The following ZNF609 variants were observed in gnomAD, a reference collection of about 807,000 sequenced individuals.
ZNF609 encodes the protein zinc finger protein 609.
ZNF609 carries 11 observed loss-of-function variants against 109.5 expected under a neutral mutation model. The observed-to-expected ratio is 0.10, with a 90% CI of 0.06 to 0.17. The LOEUF is 0.17. Among genes scored for constraint, ZNF609 ranks in the 10% least tolerant of loss-of-function variants. The pLI is 1.00. For missense variants in ZNF609, 1,559 were observed against 1,772.4 expected (o/e 0.88, Z 2.16); for synonymous variants, 646 against 662.0 (o/e 0.98, Z 0.37).
Position 64,678,474 on chromosome 15 carries a change from A to T in ZNF609, c.3761A>T (p.Asn1254Ile). 1 of 1,582,446 alleles carries T rather than the reference A, an allele frequency of 6.3e-7. No homozygotes were observed. The highest frequency in any genetic ancestry group is 8.6e-7 in the Non-Finnish European group (1 of 1,163,372). ...AGCATGCCTGCTGTGATGATGCAGA[A>T]CTACCCAGGTACAGCACCAAGTGCC... ...YRSMPAVMMQ[N>I]YPGSYLPSSY... Residue 1254 changes from asparagine (N) to isoleucine (I), a missense_variant, in exon 6 of 10, where the codon AAC becomes ATC. Around this residue, in one of 4 missense-constraint regions of ZNF609, gnomAD observed 1,204 missense variants for 1,314.1 expected, o/e 0.92. Coordinates refer to ENST00000326648, the MANE Select transcript of ZNF609 (RefSeq NM_015042.2).
chr15:64,662,676 T>C (rs186757235), intron 3 of ZNF609, among the ~76,000 whole-genome samples: 13 of 151,648 alleles, frequency 8.6e-5, no homozygotes, highest in African/African-American at 2.9e-4. Context: ...AATAATTTTT[T>C]TTTTCTTGAG....
chr15:64,672,441 A>T (rs2094116529), intron 4 of ZNF609, among the ~76,000 whole-genome samples: 1 of 148,250 alleles, frequency 6.7e-6, no homozygotes, highest in African/African-American at 2.5e-5. Flanking sequence ...CCTGGTCAAC[A>T]TGGTGAAACC....
intron 2 of ZNF609, among the ~76,000 whole-genome samples, chr15:64,567,807 ACGTGCCACC>A (rs1207421752): frequency 6.6e-6 from 1 of 151,960 alleles, no homozygotes; most frequent in Non-Finnish European, 1.5e-5. Context: ...GACTACAGAC[ACGTGCCACC>A]ACACCCGACT....
intron 2 of ZNF609, among the ~76,000 whole-genome samples, chr15:64,537,331 C>G (rs1894167496): frequency 6.6e-6 from 1 of 151,486 alleles, no homozygotes; most frequent in Admixed American, 6.6e-5. Context: ...AACCCCATCT[C>G]TACTAAAAAT....
At chr15:64,634,987 T>C (rs1405004485) in intron 3 of ZNF609, among the ~76,000 whole-genome samples, 1 of 152,206 alleles carries the variant, frequency 6.6e-6, no homozygotes, top group East Asian at 1.9e-4. Context: ...TGGATTGTGT[T>C]ATATGTCCAC....
chr15:64,580,955 CTTTTTTTTTTTTTTT>C (rs57690590), intron 2 of ZNF609, among the ~76,000 whole-genome samples: 5 of 58,746 alleles, frequency 8.5e-5, no homozygotes, highest in South Asian at 7.3e-4. Context: ...TCAATGTCTT[CTTTTTTTTTTTTTTT>C]TTTTTTTTTT....
intron 2 of ZNF609, among the ~76,000 whole-genome samples, chr15:64,571,960 GT>G (rs1321873536): frequency 6.6e-6 from 1 of 152,110 alleles, no homozygotes; most frequent in East Asian, 1.9e-4. Context: ...TTGAGTCTTT[GT>G]TTGGTTAGGA....
chr15:64,483,643 C>G (rs1035742416), intron 1 of ZNF609, among the ~76,000 whole-genome samples: 2 of 152,190 alleles, frequency 1.3e-5, no homozygotes, highest in Non-Finnish European at 2.9e-5. Flanking sequence ...ACCTTGGCCT[C>G]CCAAAGTGCT....
intron 2 of ZNF609, among the ~76,000 whole-genome samples, chr15:64,516,361 G>A (rs192286959): frequency 2.8e-4 from 43 of 152,050 alleles, no homozygotes; most frequent in African/African-American, 9.9e-4. Flanking sequence ...ATAGAGGTGG[G>A]GTTTTTTTGT....
rs762068395 is a variant in ZNF609, at chr15:64,676,061, G to T, written c.3207G>T (p.Glu1069Asp). The change falls in exon 5 of 10, where the codon GAG (glutamate) becomes GAT (aspartate). Residue 1069 changes from glutamate (E) to aspartate (D), a missense_variant. Physicochemically the swap from Glu to Asp is conservative, Grantham distance 45. Transcript: ENST00000326648. ...AATCAGGACCTGGCAAGGCCAAGGA[G>T]CCAGGGGCTGACCCAGCCAAATCAG... is the stretch of plus-strand genomic sequence containing the variant. ...LVKSGPGKAK[E>D]PGADPAKSVI... is the part of the protein sequence containing the mutation. The T allele has an allele frequency of 3.1e-6, 5 of 1,614,244 alleles. No individual in the cohort carries two copies.
intron 3 of ZNF609, among the ~76,000 whole-genome samples, chr15:64,654,754 A>G (rs942108000): frequency 1.3e-5 from 2 of 152,196 alleles, no homozygotes; most frequent in Admixed American, 1.3e-4. Flanking sequence ...AGGTATTACA[A>G]CCTTATAGGC....
At chr15:64,680,493 G>A in intron 7 of ZNF609, 133 bp downstream of exon 7, 1 of 1,326,786 alleles carries the variant, frequency 7.5e-7, no homozygotes, top group Non-Finnish European at 1.0e-6. Context: ...CAGCCCCCAG[G>A]GCATCTTCTT....
In ZNF609 at chr15:64,678,492, C is replaced by T. The variant is rs1801227205; in HGVS notation, c.3769+10C>T. 2 of 1,557,980 alleles carry T rather than the reference C, an allele frequency of 1.3e-6. No individual in the cohort carries two copies. The highest frequency in any genetic ancestry group is 1.7e-6 in the Non-Finnish European group (2 of 1,152,224). ...ATGCAGAACTACCCAGGTACAGCAC[C>T]AAGTGCCAGCACTATTCCATTCACT... On this transcript the variant is annotated intron_variant, in intron 6 of 9. Coordinates refer to ENST00000326648, the MANE Select transcript of ZNF609 (RefSeq NM_015042.2).
intron 1 of ZNF609, among the ~76,000 whole-genome samples, chr15:64,490,447 T>C (rs1893398609): frequency 6.6e-6 from 1 of 152,188 alleles, no homozygotes; most frequent in African/African-American, 2.4e-5. Flanking sequence ...CTAGTTTTTG[T>C]ATTTTTAGTA....
intron 2 of ZNF609, among the ~76,000 whole-genome samples, chr15:64,594,639 C>CA (rs1353924625): frequency 6.6e-6 from 1 of 151,872 alleles, no homozygotes; most frequent in East Asian, 1.9e-4. Flanking sequence ...CACCTGGTCA[C>CA]AAAATGTAAA....
chr15:64,646,018 A>G (rs770513894), intron 3 of ZNF609, among the ~76,000 whole-genome samples: 6 of 152,218 alleles, frequency 3.9e-5, no homozygotes, highest in Non-Finnish European at 8.8e-5. Flanking sequence ...TGATCCAGCA[A>G]TTCTACTCCT....
At chr15:64,527,396 T>C (rs1047176536) in intron 2 of ZNF609, among the ~76,000 whole-genome samples, 23 of 151,576 alleles carry the variant, frequency 1.5e-4, no homozygotes, top group African/African-American at 5.6e-4. Context: ...TTTTCAGAGT[T>C]CAGTATATTC....
chr15:64,674,041 G>C lies in ZNF609; in HGVS notation c.1187G>C (p.Ser396Thr). The change falls in exon 5 of 10, where the codon AGT becomes ACT. Residue 396 changes from serine (S) to threonine (T), a missense_variant. Coordinates refer to ENST00000326648, the MANE Select transcript of ZNF609 (RefSeq NM_015042.2). ...ACAGCCTCTGACAGCAAAGGGACCA[G>C]TAACAGCAGCAAAACCCGGGCAGGA... is the stretch of plus-strand genomic sequence containing the variant. Reference protein sequence around the residue: ...TATASDSKGTSNSSKTRAGAN... With the variant: ...TATASDSKGTTNSSKTRAGAN... 1 of 1,614,212 alleles carries C rather than the reference G, an allele frequency of 6.2e-7. No individual in the cohort carries two copies. Among genetic ancestry groups the C allele is most frequent in the Non-Finnish European group, 8.5e-7 (1 of 1,180,046 alleles).
intron 6 of ZNF609, among the ~76,000 whole-genome samples, chr15:64,679,551 A>G (rs530896294): frequency 6.3e-4 from 96 of 152,338 alleles, no homozygotes; most frequent in African/African-American, 2.2e-3. Flanking sequence ...ATTATTATAA[A>G]GCACACTCTA....
Sources: gnomAD v4.1 joint callset for allele counts (sites outside exome capture counted in the v4.1 genomes callset) on GRCh38, gnomAD v4.1.1 for gene constraint, gnomAD v4.1.1 regional missense constraint, MANE v1.5 for transcripts, NCBI Gene and HGNC (gene_info 2026-07-23, HGNC 2026-07-21) for gene names.